The following ROBO2 variants were observed in gnomAD, a reference collection of about 807,000 sequenced individuals.
ROBO2 encodes the protein roundabout guidance receptor 2.
Under a neutral mutation model 160.8 loss-of-function variants are expected in ROBO2, and 53 were observed. The ratio of observed to expected loss-of-function variants is 0.33; its 90% CI spans 0.26 to 0.41. The LOEUF (loss-of-function observed/expected upper bound fraction) is 0.41, where lower values mean the gene tolerates loss of function less well. ROBO2 is among the 10% of genes least tolerant of loss of function. The probability of loss-of-function intolerance (pLI) is 1.00; values close to 1 mark genes in which losing one functional copy is unlikely to be tolerated. For missense variants in ROBO2, 1,577 were observed against 1,722.4 expected, an observed-to-expected ratio of 0.92 and a Z score of 1.49; for synonymous variants, 664 against 611.7, an observed-to-expected ratio of 1.09 and a Z score of -1.26.
chr3:76,184,615 A>T (rs1701659904), intron 2 of ROBO2, among the ~76,000 whole-genome samples: 1 of 151,996 alleles, frequency 6.6e-6, no homozygotes, highest in South Asian at 2.1e-4. Flanking sequence ...TTATTAGGGG[A>T]ATTGGCTCAT....
chr3:77,278,193 G>C (rs1300835868), intron 2 of ROBO2, among the ~76,000 whole-genome samples: 1 of 152,130 alleles, frequency 6.6e-6, no homozygotes, highest in East Asian at 1.9e-4. Flanking sequence ...CCATGAATGA[G>C]AAGCCATGTA....
intron 2 of ROBO2, among the ~76,000 whole-genome samples, chr3:77,459,308 A>G (rs1269310082): frequency 1.3e-5 from 2 of 152,378 alleles, no homozygotes; most frequent in East Asian, 1.9e-4. Flanking sequence ...GAGTAAACTC[A>G]ACAATTAGAC....
intron 2 of ROBO2, among the ~76,000 whole-genome samples, chr3:77,202,910 GC>G (rs2083050036): frequency 6.6e-6 from 1 of 152,166 alleles, no homozygotes; most frequent in African/African-American, 2.4e-5. Flanking sequence ...ACAGTTTCTA[GC>G]AGAGCTGTGG....
chr3:77,138,723 A>G (rs535351107), intron 2 of ROBO2, among the ~76,000 whole-genome samples: 1 of 152,296 alleles, frequency 6.6e-6, no homozygotes, highest in Admixed American at 6.5e-5. Flanking sequence ...AACAGATATG[A>G]AAAGACTTGG....
intron 1 of ROBO2, among the ~76,000 whole-genome samples, chr3:75,925,114 T>C (rs972779704): frequency 6.6e-6 from 1 of 151,922 alleles, no homozygotes; most frequent in Non-Finnish European, 1.5e-5. Context: ...CGGGGCCGGC[T>C]GGGCACGATG....
At chr3:76,964,646 C>T (rs1042389025) in intron 2 of ROBO2, among the ~76,000 whole-genome samples, 4 of 152,140 alleles carry the variant, frequency 2.6e-5, no homozygotes, top group Admixed American at 6.6e-5. Flanking sequence ...AAGTTGTTAG[C>T]GAAGTAAAAT....
At chr3:76,277,493 AG>A (rs2107656569) in intron 2 of ROBO2, among the ~76,000 whole-genome samples, 1 of 152,074 alleles carries the variant, frequency 6.6e-6, no homozygotes, top group East Asian at 1.9e-4. Flanking sequence ...TCTCCAGAGA[AG>A]GCATCTAATT....
chr3:76,170,454 C>G (rs889129159), intron 2 of ROBO2, among the ~76,000 whole-genome samples: 1 of 152,032 alleles, frequency 6.6e-6, no homozygotes, highest in Non-Finnish European at 1.5e-5. Context: ...TTGACAAGGC[C>G]CTACCTTCCA....
At chr3:76,887,809 A>G (rs2074026130) in intron 2 of ROBO2, among the ~76,000 whole-genome samples, 1 of 152,092 alleles carries the variant, frequency 6.6e-6, no homozygotes, top group Non-Finnish European at 1.5e-5. Context: ...GTGTCTTCTT[A>G]TATCCCCTCC....
intron 2 of ROBO2, among the ~76,000 whole-genome samples, chr3:77,181,148 T>C (rs571494656): frequency 2.0e-4 from 31 of 152,246 alleles, no homozygotes; most frequent in African/African-American, 7.2e-4. Flanking sequence ...TTCCCACCTG[T>C]TGTAACACAG....
intron 2 of ROBO2, among the ~76,000 whole-genome samples, chr3:76,032,619 G>T (rs2066963729): frequency 6.6e-6 from 1 of 152,076 alleles, no homozygotes; most frequent in South Asian, 2.1e-4. Flanking sequence ...TATTTTTCCA[G>T]TAGTCATTCA....
At chr3:76,290,091 G>T (rs1369717878) in intron 2 of ROBO2, among the ~76,000 whole-genome samples, 1 of 152,078 alleles carries the variant, frequency 6.6e-6, no homozygotes, top group African/African-American at 2.4e-5. Flanking sequence ...GGGCAATGTG[G>T]CCATTTTAGT....
chr3:75,944,400 T>C (rs1193931451), intron 2 of ROBO2, among the ~76,000 whole-genome samples: 1 of 152,170 alleles, frequency 6.6e-6, no homozygotes, highest in Non-Finnish European at 1.5e-5. Context: ...AATGCCAACA[T>C]CTACCTCAGC....
chr3:76,360,191 A>T (rs1038145809), intron 2 of ROBO2, among the ~76,000 whole-genome samples: 1 of 152,154 alleles, frequency 6.6e-6, no homozygotes, highest in African/African-American at 2.4e-5. Flanking sequence ...CTGTGTGACT[A>T]TCTAAATCCA....
intron 2 of ROBO2, among the ~76,000 whole-genome samples, chr3:76,932,365 C>T (rs542358285): frequency 2.0e-5 from 3 of 151,878 alleles, no homozygotes; most frequent in Admixed American, 1.3e-4. Flanking sequence ...ATATAAATAA[C>T]ATATTACCAC....
At chr3:77,028,641 A>G (rs1169834788) in intron 2 of ROBO2, among the ~76,000 whole-genome samples, 1 of 152,108 alleles carries the variant, frequency 6.6e-6, no homozygotes, top group African/African-American at 2.4e-5. Flanking sequence ...AATCGCTTGA[A>G]CCTGGGAGAC....
At chr3:76,026,728 A>G (rs559665594) in intron 2 of ROBO2, among the ~76,000 whole-genome samples, 1 of 152,060 alleles carries the variant, frequency 6.6e-6, no homozygotes, top group Admixed American at 6.6e-5. Context: ...AACTTATTTT[A>G]TTTCAGGTTG....
chr3:77,433,676 T>C (rs2079018926), intron 2 of ROBO2, among the ~76,000 whole-genome samples: 2 of 151,688 alleles, frequency 1.3e-5, no homozygotes, highest in Admixed American at 1.3e-4. Flanking sequence ...TATAACTCTG[T>C]CCTGGACCTA....
intron 2 of ROBO2, among the ~76,000 whole-genome samples, chr3:77,245,625 G>C (rs1305466498): frequency 6.6e-6 from 1 of 152,198 alleles, no homozygotes; most frequent in Non-Finnish European, 1.5e-5. Flanking sequence ...ATGAAGCTGT[G>C]TGGATACAAG....
Sources: allele counts gnomAD v4.1 joint callset (sites outside exome capture counted in the v4.1 genomes callset), GRCh38; gene constraint gnomAD v4.1.1; transcripts MANE v1.5; gene names NCBI Gene and HGNC (gene_info 2026-07-23, HGNC 2026-07-21).